TRMT11: variants seen among roughly 807,000 people sequenced by gnomAD.
TRMT11 encodes the protein tRNA methyltransferase 11, also known as tRNA (guanine(10)-N(2))-methyltransferase TRMT11.
A neutral mutation model predicts 62.8 loss-of-function variants in TRMT11; 53 were observed. The observed-to-expected ratio is 0.84, with a 90% CI of 0.68 to 1.06. The LOEUF (loss-of-function observed/expected upper bound fraction) is 1.06, where lower values mean the gene tolerates loss of function less well. TRMT11 is among the 50% of genes least tolerant of loss of function. The pLI is 0.00. For missense variants in TRMT11, 556 were observed against 553.4 expected (o/e 1.00, Z -0.05); for synonymous variants, 188 against 190.3 (o/e 0.99, Z 0.10).
intron 17 of TRMT11, among the ~76,000 whole-genome samples, chr6:126,107,828 T>C (rs886964743): frequency 6.6e-6 from 1 of 152,192 alleles, no homozygotes; most frequent in African/African-American, 2.4e-5. Context: ...CAGGTCAGCA[T>C]GCAGGAAACA....
At chr6:126,207,266 T>C (rs1023074044), downstream of TRMT11, among the ~76,000 whole-genome samples, 4 of 152,068 alleles carry the variant, frequency 2.6e-5, no homozygotes, top group Non-Finnish European at 5.9e-5. Flanking sequence ...AATTGTTTTG[T>C]TTGGAGGTGA....
At chr6:126,271,241 G>A in the TRMT11 span, among the ~76,000 whole-genome samples, 5 of 151,420 alleles carry the variant, frequency 3.3e-5, no homozygotes, top group Admixed American at 1.3e-4. Context: ...GCATGTACCC[G>A]TAATCCCAGC....
At chr6:126,023,445 C>G (rs976630020) in intron 12 of TRMT11, among the ~76,000 whole-genome samples, 1 of 152,018 alleles carries the variant, frequency 6.6e-6, no homozygotes. Flanking sequence ...GCCAGGAGTT[C>G]GAGACGTGCC....
intron 12 of TRMT11, among the ~76,000 whole-genome samples, chr6:126,029,903 A>C (rs1232144359): frequency 6.6e-6 from 1 of 152,170 alleles, no homozygotes; most frequent in Admixed American, 6.5e-5. Flanking sequence ...TATAAGTATT[A>C]AGAAATTACA....
chr6:126,024,971 A>G (rs1339578486), intron 12 of TRMT11, among the ~76,000 whole-genome samples: 1 of 152,216 alleles, frequency 6.6e-6, no homozygotes, highest in South Asian at 2.1e-4. Context: ...AAAAACAAAC[A>G]TTACCTGTAG....
chr6:126,114,795 T>C (rs1415691541), intron 19 of TRMT11, among the ~76,000 whole-genome samples: 1 of 152,058 alleles, frequency 6.6e-6, no homozygotes, highest in African/African-American at 2.4e-5. Flanking sequence ...GAAGATTTTC[T>C]CTCAGCTATA....
the TRMT11 span, among the ~76,000 whole-genome samples, chr6:126,230,908 C>T: frequency 2.6e-5 from 4 of 152,080 alleles, no homozygotes; most frequent in Non-Finnish European, 4.4e-5. Flanking sequence ...AGGAATAATA[C>T]GTCCTCATTG....
chr6:126,000,593 A>G (rs1411610354), intron 7 of TRMT11, among the ~76,000 whole-genome samples: 1 of 152,150 alleles, frequency 6.6e-6, no homozygotes, highest in Non-Finnish European at 1.5e-5. Context: ...CCAACTCCAG[A>G]GCTCATGCCC....
chr6:126,178,116 C>T (rs141612085), intron 1 of TRMT11, among the ~76,000 whole-genome samples: 1 of 152,302 alleles, frequency 6.6e-6, no homozygotes, highest in African/African-American at 2.4e-5. Context: ...CTTATTTCAT[C>T]AGATGGAATA....
At chr6:126,051,952 T>A (rs1381196214) in intron 16 of TRMT11, among the ~76,000 whole-genome samples, 1 of 152,202 alleles carries the variant, frequency 6.6e-6, no homozygotes, top group Non-Finnish European at 1.5e-5. Context: ...AGACACATTG[T>A]ACAGCTCCAA....
intron 17 of TRMT11, among the ~76,000 whole-genome samples, chr6:126,103,006 G>A (rs1052864): frequency 6.6e-6 from 1 of 152,132 alleles, no homozygotes; most frequent in African/African-American, 2.4e-5. Context: ...AGAGATCAGA[G>A]TGTGTTGTTT....
At chr6:126,015,840 G>C (rs946597947) in intron 11 of TRMT11, among the ~76,000 whole-genome samples, 1 of 152,110 alleles carries the variant, frequency 6.6e-6, no homozygotes, top group African/African-American at 2.4e-5. Flanking sequence ...CTTATATTCT[G>C]AGTGTTGACT....
intron 16 of TRMT11, among the ~76,000 whole-genome samples, chr6:126,049,861 T>A (rs1054950871): frequency 6.1e-4 from 93 of 152,306 alleles, no homozygotes; most frequent in African/African-American, 2.2e-3. Flanking sequence ...GGGGGTGTTA[T>A]GTGAATAGTG....
intron 12 of TRMT11, among the ~76,000 whole-genome samples, chr6:126,038,422 C>G (rs530160351): frequency 7.4e-4 from 99 of 133,040 alleles, no homozygotes; most frequent in Non-Finnish European, 1.1e-3. Flanking sequence ...TGGAACCACT[C>G]TCTTTGCCCT....
In TRMT11 at chr6:125,996,051, C is replaced by A. The variant is rs1398619922; in HGVS notation, c.212+11C>A. ...GACAGTGTGTGCCAAGTAAGAGAAA[C>A]TTATGTTCTCCTGCATGAATATACT... On this transcript the variant is annotated intron_variant, in intron 3 of 12. Transcript: ENST00000334379. 1.3e-6 allele frequency: 2 copies of A among 1,571,468 alleles called. No homozygotes were observed. Among genetic ancestry groups the A allele is most frequent in the Admixed American group, 3.3e-5 (2 of 59,900 alleles).
the TRMT11 span, among the ~76,000 whole-genome samples, chr6:126,263,474 C>T: frequency 5.9e-5 from 9 of 152,140 alleles, no homozygotes; most frequent in Non-Finnish European, 4.4e-5. Context: ...TCCACAAAAA[C>T]ATGCAAAATG....
intron 17 of TRMT11, among the ~76,000 whole-genome samples, chr6:126,054,990 G>A (rs1583847819): frequency 6.6e-6 from 1 of 152,060 alleles, no homozygotes; most frequent in African/African-American, 2.4e-5. Context: ...TTTGAGACAG[G>A]GTCTGGCTCT....
chr6:126,079,262 T>C (rs139787345), intron 17 of TRMT11, among the ~76,000 whole-genome samples: 126 of 152,292 alleles, frequency 8.3e-4, no homozygotes, highest in African/African-American at 3.0e-3. Context: ...TTAAAAATAA[T>C]GGCTGTATTC....
intron 17 of TRMT11, among the ~76,000 whole-genome samples, chr6:126,069,679 G>A (rs1477945855): frequency 2.6e-5 from 4 of 152,194 alleles, no homozygotes; most frequent in Non-Finnish European, 4.4e-5. Flanking sequence ...GCCGCCAGCA[G>A]AGTGTCTCTG....
Sources: allele counts gnomAD v4.1 joint callset (sites outside exome capture counted in the v4.1 genomes callset), GRCh38; gene constraint gnomAD v4.1.1; transcripts MANE v1.5; gene names NCBI Gene and HGNC (gene_info 2026-07-23, HGNC 2026-07-21).